The following VWA8 variants were observed in gnomAD, a reference collection of about 807,000 sequenced individuals.
VWA8 encodes von Willebrand factor A domain containing 8.
In VWA8, 221 loss-of-function variants were observed where a neutral mutation model predicts 241.5. The observed-to-expected ratio is 0.91, with a 90% CI of 0.82 to 1.02. The LOEUF (loss-of-function observed/expected upper bound fraction) is 1.02. Ranked by LOEUF, VWA8 falls within the 50% of genes least tolerant of loss-of-function variation. The pLI, the probability that VWA8 is intolerant of heterozygous loss-of-function variation, is 0.00. For synonymous variants in VWA8, 852 were observed against 827.1 expected, an observed-to-expected ratio of 1.03 and a Z score of -0.52; for missense variants, 2,322 against 2,328.7, an observed-to-expected ratio of 1.00 and a Z score of 0.06.
intron 3 of VWA8, among the ~76,000 whole-genome samples, chr13:41,910,551 T>C (rs1324790747): frequency 6.7e-6 from 1 of 149,494 alleles, no homozygotes; most frequent in African/African-American, 2.5e-5. Context: ...GCCACTGCAC[T>C]CCAGCCTGGG....
At chr13:41,712,815 G>GA (rs1252508149) in intron 26 of VWA8, among the ~76,000 whole-genome samples, 1 of 151,914 alleles carries the variant, frequency 6.6e-6, no homozygotes, top group Non-Finnish European at 1.5e-5. Context: ...ATAGATAATA[G>GA]AAAAAAATTA....
chr13:41,871,563 T>C (rs1193837750), intron 9 of VWA8, among the ~76,000 whole-genome samples: 1 of 152,176 alleles, frequency 6.6e-6, no homozygotes, highest in African/African-American at 2.4e-5. Flanking sequence ...GTGTTTGGTT[T>C]TTTGTTCTTG....
chr13:41,590,665 T>C lies in VWA8; in HGVS notation c.5087A>G (p.Lys1696Arg), dbSNP rs1477677326. 8 of 1,614,092 alleles carry C rather than the reference T, an allele frequency of 5.0e-6. No homozygotes were observed. The highest frequency in any genetic ancestry group is 5.9e-6 in the Non-Finnish European group (7 of 1,180,000). ...DGLTGEKAIY[K>R]RRGELEPQLG... is the part of the protein sequence containing the mutation. ...TTGTGGCTCCAGCTCACCCCGACGT[T>C]TGTAGATGGCTTTTTCTCCAGTCAG... is the stretch of plus-strand genomic sequence containing the variant. Residue 1696 changes from lysine to arginine, a missense_variant, in exon 41 of 45, where the codon AAA becomes AGA. Lys to Arg is a conservative substitution (Grantham distance 26). Transcript: ENST00000379310.
At chr13:41,721,599 T>C (rs1419356920) in intron 24 of VWA8, 24 bp from the exon 25 acceptor site, 2 of 1,596,850 alleles carry the variant, frequency 1.3e-6, no homozygotes, top group East Asian at 2.2e-5. Context: ...AAGATTCACA[T>C]TCAGTATGCA....
intron 37 of VWA8, among the ~76,000 whole-genome samples, chr13:41,661,281 A>G (rs1240895537): frequency 2.0e-5 from 3 of 152,236 alleles, no homozygotes; most frequent in Non-Finnish European, 1.5e-5. Context: ...GGGAACCAAC[A>G]TAATTTGATG....
At position 41,806,006 on chromosome 13, in the gene VWA8, A is replaced by T. The variant is rs558885852; in HGVS notation, c.2063+5219T>A. On this transcript the variant is annotated intron_variant, in intron 17 of 44. Coordinates refer to ENST00000379310, the MANE Select transcript of VWA8 (RefSeq NM_015058.2). ...AGTCTTAAAAAATTCAAAAATAAAA[A>T]AAAAAAAAAAAGAAATGATGTCAAG... is the stretch of plus-strand genomic sequence containing the variant. Among the ~76,000 whole-genome samples the T allele has an allele frequency of 9.5e-3, 1,431 of 151,132 alleles. 32 individuals carry two copies. Among genetic ancestry groups the T allele is most frequent in the African/African-American group, 0.03 (1,233 of 41,228 alleles).
At chr13:41,703,465 A>G in intron 26 of VWA8, 54 bp from the exon 27 acceptor site, 1 of 1,495,348 alleles carries the variant, frequency 6.7e-7, no homozygotes, top group South Asian at 1.1e-5. Flanking sequence ...AAGTCATAGA[A>G]AAAAATAACA....
At position 41,837,296 on chromosome 13, in the gene VWA8, C is replaced by T. The variant is rs567980271; in HGVS notation, c.1426-3765G>A. Among the ~76,000 whole-genome samples the T allele has an allele frequency of 2.0e-5, 3 of 152,228 alleles. No homozygotes were observed. The East Asian group carries it at 5.8e-4, about 29-fold the overall frequency. Reference sequence around the variant, plus strand: ...CCCTTTAATATAAGCTATTGGTTTTCATAATTAACAACTTCTATTGAAAGA... The same window carrying T: ...CCCTTTAATATAAGCTATTGGTTTTTATAATTAACAACTTCTATTGAAAGA... On this transcript the variant is annotated intron_variant, in intron 12 of 44. Coordinates refer to ENST00000379310, the MANE Select transcript of VWA8 (RefSeq NM_015058.2).
chr13:41,811,649 A>G (rs1870479730), intron 16 of VWA8, among the ~76,000 whole-genome samples: 2 of 152,180 alleles, frequency 1.3e-5, no homozygotes, highest in South Asian at 4.1e-4. Flanking sequence ...CACTGGACTT[A>G]GGCTGTATGA....
intron 12 of VWA8, among the ~76,000 whole-genome samples, chr13:41,844,269 T>C (rs1264071122): frequency 6.6e-6 from 1 of 152,082 alleles, no homozygotes; most frequent in Non-Finnish European, 1.5e-5. Context: ...AGAAAAAGCT[T>C]CCGATAAAAT....
intron 17 of VWA8, among the ~76,000 whole-genome samples, chr13:41,802,734 C>T (rs1870016560): frequency 1.3e-5 from 2 of 152,212 alleles, no homozygotes; most frequent in Admixed American, 6.5e-5. Context: ...TGACACCCAC[C>T]CTGGGCCAGA....
At chr13:41,780,531 C>T (rs1868843857) in intron 19 of VWA8, among the ~76,000 whole-genome samples, 1 of 152,168 alleles carries the variant, frequency 6.6e-6, no homozygotes, top group Non-Finnish European at 1.5e-5. Flanking sequence ...CTAAACAGCA[C>T]CTGAATTGTT....
rs575749727 is a variant in VWA8 at position 41,837,433 on chromosome 13, C to G, written c.1426-3902G>C. 3.9e-4 allele frequency among the ~76,000 whole-genome samples: 59 copies of G among 152,086 alleles called. 1 individual carries two copies. In the South Asian group the frequency reaches 0.012, roughly 32 times the overall value. ...AAAGTGCAAGGACACCAAAGCAAAA[C>G]TAAACTTTCACAGAACAACTGAATC... On this transcript the variant is annotated intron_variant, in intron 12 of 44. Coordinates refer to ENST00000379310, the MANE Select transcript of VWA8 (RefSeq NM_015058.2).
At chr13:41,630,185 C>T (rs2044717241) in intron 37 of VWA8, among the ~76,000 whole-genome samples, 1 of 152,150 alleles carries the variant, frequency 6.6e-6, no homozygotes, top group Non-Finnish European at 1.5e-5. Flanking sequence ...TGTGATAATA[C>T]AGGTGAGAAG....
chr13:41,649,053 G>GC (rs977138368), intron 37 of VWA8, among the ~76,000 whole-genome samples: 1 of 151,882 alleles, frequency 6.6e-6, no homozygotes, highest in Non-Finnish European at 1.5e-5. Flanking sequence ...GCGTGGTGGG[G>GC]GGGTGCCTGT....
At chr13:41,920,782 T>C (rs768577995) in intron 2 of VWA8, among the ~76,000 whole-genome samples, 2 of 152,046 alleles carry the variant, frequency 1.3e-5, no homozygotes, top group Non-Finnish European at 2.9e-5. Context: ...AGCTCTGAAA[T>C]TGAGGCAATA....
At chr13:41,592,378 T>G (rs2044461295) in intron 40 of VWA8, among the ~76,000 whole-genome samples, 3 of 147,982 alleles carry the variant, frequency 2.0e-5, no homozygotes, top group South Asian at 2.2e-4. Flanking sequence ...GATGACGAGT[T>G]AGTGGGTGCA....
intron 37 of VWA8, among the ~76,000 whole-genome samples, chr13:41,634,121 A>G (rs1047336486): frequency 6.6e-6 from 1 of 152,186 alleles, no homozygotes; most frequent in Non-Finnish European, 1.5e-5. Flanking sequence ...TCAGCAGGCA[A>G]TGCTGAGAAT....
At position 41,787,553 on chromosome 13, in the gene VWA8, G is replaced by A. The variant is rs749165570; in HGVS notation, c.2064-10C>T. ...AAGACTGGGTAAAAACCTGGAGGAT[G>A]AAGAGGGAGGAAGGGGGAAATGGCT... On this transcript the variant is annotated splice_polypyrimidine_tract_variant and intron_variant, in intron 17 of 44. Coordinates refer to ENST00000379310, the MANE Select transcript of VWA8 (RefSeq NM_015058.2). The A allele has an allele frequency of 2.5e-6, 4 of 1,577,626 alleles. No individual in the cohort carries two copies. Among genetic ancestry groups the A allele is most frequent in the Non-Finnish European group, 2.6e-6 (3 of 1,148,928 alleles).
Sources: gnomAD v4.1 joint callset for allele counts (sites outside exome capture counted in the v4.1 genomes callset) on GRCh38, gnomAD v4.1.1 for gene constraint, MANE v1.5 for transcripts, NCBI Gene and HGNC (gene_info 2026-07-23, HGNC 2026-07-21) for gene names.